Variants in RERE observed in about 807,000 individuals in gnomAD.
RERE encodes arginine-glutamic acid dipeptide repeats protein.
RERE carries 40 observed loss-of-function variants against 146.1 expected under a neutral mutation model. The observed-to-expected ratio is 0.27, with a 90% CI of 0.21 to 0.36. The LOEUF (loss-of-function observed/expected upper bound fraction) is 0.36. Among genes scored for constraint, RERE ranks in the 10% least tolerant of loss-of-function variants. The pLI is 1.00. For missense variants in RERE, 1,933 were observed against 2,138.7 expected, an observed-to-expected ratio of 0.90 and a Z score of 1.90; for synonymous variants, 1,003 against 866.0, an observed-to-expected ratio of 1.16 and a Z score of -2.78.
intron 2 of RERE, among the ~76,000 whole-genome samples, chr1:8,653,694 C>CA (rs775354970): frequency 0.089 from 3,922 of 44,078 alleles, 167 homozygotes; most frequent in African/African-American, 0.17. Flanking sequence ...GACTCCACCT[C>CA]AAAAAAAAAA....
At chr1:8,677,545 G>A (rs950060647) in intron 1 of RERE, among the ~76,000 whole-genome samples, 3 of 151,222 alleles carry the variant, frequency 2.0e-5, no homozygotes, top group Non-Finnish European at 4.4e-5. Context: ...GTATTTCACA[G>A]GTTAGCGTTC....
At chr1:8,641,659 C>T (rs1396357826) in intron 2 of RERE, among the ~76,000 whole-genome samples, 1 of 152,178 alleles carries the variant, frequency 6.6e-6, no homozygotes, top group Non-Finnish European at 1.5e-5. Flanking sequence ...AGGTTCTGTG[C>T]TGAACAAAGA....
At chr1:8,735,251 T>TA (rs1640173098) in intron 1 of RERE, among the ~76,000 whole-genome samples, 1 of 152,130 alleles carries the variant, frequency 6.6e-6, no homozygotes, top group Admixed American at 6.5e-5. Flanking sequence ...ATGCTGAAAA[T>TA]ATCAAGGAAG....
At chr1:8,601,616 T>G (rs1415223189) in intron 4 of RERE, among the ~76,000 whole-genome samples, 2 of 130,352 alleles carry the variant, frequency 1.5e-5, no homozygotes, top group African/African-American at 5.9e-5. Flanking sequence ...TGCCTTCATG[T>G]CCAAGGTCAC....
rs1478048245 is a variant in RERE, at chr1:8,423,701, T to TCGGCGTGTGGCC, written c.1204-895_1204-894insGGCCACACGCCG. The TCGGCGTGTGGCC allele has an allele frequency of 3.1e-6, 3 of 981,760 alleles. No homozygotes were observed. Among genetic ancestry groups the TCGGCGTGTGGCC allele is most frequent in the Non-Finnish European group, 3.6e-6 (3 of 828,782 alleles). The allele number at this position is 981,760 out of a possible 1,614,324, so 60.8% of individuals were successfully genotyped here. ...CAGGGCGGAGGCGGCCGCGGGTGGC[T>TCGGCGTGTGGCC]CGGCGTGTGACCGCGGCGGGGCCGC... On this transcript the variant is annotated intron_variant, in intron 11 of 22. Coordinates refer to ENST00000400908, the MANE Select transcript of RERE (RefSeq NM_001042681.2). This position sits in a 1 kb window ranked among gnomAD's most constrained non-coding sequence, Gnocchi z 5.4.
chr1:8,748,042 T>G (rs1640458051), intron 1 of RERE, among the ~76,000 whole-genome samples: 2 of 152,104 alleles, frequency 1.3e-5, no homozygotes, highest in South Asian at 4.1e-4. Context: ...CCTCCCAAAG[T>G]GCTGGGATTA....
At chr1:8,529,465 ATTTT>A (rs35913350) in intron 7 of RERE, among the ~76,000 whole-genome samples, 3 of 145,526 alleles carry the variant, frequency 2.1e-5, no homozygotes, top group Admixed American at 6.8e-5. Context: ...AAATTTTTTA[ATTTT>A]TTTTTTTTTT....
Position 8,364,331 on chromosome 1 carries a change from T to C in RERE, c.1541-76A>G. 1 of 1,336,070 alleles carries C rather than the reference T, an allele frequency of 7.5e-7. No individual in the cohort carries two copies. The highest frequency in any genetic ancestry group is 1.1e-6 in the Non-Finnish European group (1 of 935,500). The allele number at this position is 1,336,070 out of a possible 1,614,324, so 82.8% of individuals were successfully genotyped here. A position where few individuals can be genotyped will look rare whatever the true frequency, so the allele number is the denominator to read the frequency against. ...GGGGATGTCTGGGCAGAGGGGCCCTTCTGTGGGCTCTACCCAAACCTGATG... is the reference window on the plus strand; with the variant it reads ...GGGGATGTCTGGGCAGAGGGGCCCTCCTGTGGGCTCTACCCAAACCTGATG... On this transcript the variant is annotated intron_variant, in intron 14 of 22. Coordinates refer to ENST00000400908, the MANE Select transcript of RERE (RefSeq NM_001042681.2). The surrounding 1 kb of genome is among the most constrained non-coding windows in gnomAD (Gnocchi z 5.1).
At position 8,358,471 on chromosome 1, in the gene RERE, A is replaced by G. The variant is rs760860721; in HGVS notation, c.4064T>C (p.Ile1355Thr). ...AGGGTGGGGCCCGGCGGTCGGGGGG[A>G]TGGTGAGGGCGCTGTGCCGGGCAAA... ...EHFARHSALT[I>T]PPTAGPHPFA... The change falls in exon 20 of 23, where the codon ATC (isoleucine) becomes ACC (threonine). Residue 1355 changes from isoleucine (I) to threonine (T), a missense_variant. Around this residue, in one of 11 missense-constraint regions of RERE, gnomAD observed 1,255 missense variants for 1,153.8 expected, o/e 1.09. Transcript: ENST00000400908. 2 of 1,581,816 alleles carry G rather than the reference A, an allele frequency of 1.3e-6. No individual in the cohort carries two copies. Among genetic ancestry groups the G allele is most frequent in the Admixed American group, 1.7e-5 (1 of 58,288 alleles).
intron 10 of RERE, among the ~76,000 whole-genome samples, chr1:8,478,197 T>C (rs1297847557): frequency 1.3e-5 from 2 of 152,174 alleles, no homozygotes; most frequent in Non-Finnish European, 2.9e-5. Flanking sequence ...GACACAAAAA[T>C]TTAGCAACTA....
intron 1 of RERE, among the ~76,000 whole-genome samples, chr1:8,683,187 A>G (rs1277035948): frequency 6.6e-6 from 1 of 152,176 alleles, no homozygotes; most frequent in Non-Finnish European, 1.5e-5. Context: ...GGAATATTCA[A>G]AGGGGAGAGG....
intron 12 of RERE, among the ~76,000 whole-genome samples, chr1:8,416,586 CAAAAAA>C (rs5772324): frequency 2.8e-5 from 3 of 105,966 alleles, no homozygotes; most frequent in African/African-American, 7.5e-5. Flanking sequence ...ACTCCATCTC[CAAAAAA>C]AAAAAAAAAA....
At chr1:8,791,719 CTT>C (rs1641366098) in intron 1 of RERE, among the ~76,000 whole-genome samples, 1 of 152,194 alleles carries the variant, frequency 6.6e-6, no homozygotes, top group Non-Finnish European at 1.5e-5. Flanking sequence ...TCTGAAATCT[CTT>C]CTTTTCAAAC....
At chr1:8,778,708 TGCCTGTAGTCCCA>T (rs1641112076) in intron 1 of RERE, among the ~76,000 whole-genome samples, 1 of 151,960 alleles carries the variant, frequency 6.6e-6, no homozygotes, top group African/African-American at 2.4e-5. Flanking sequence ...TGGTGGCATG[TGCCTGTAGTCCCA>T]GCTACTCGGG....
At chr1:8,664,145 T>A (rs995054521) in intron 1 of RERE, among the ~76,000 whole-genome samples, 18 of 152,150 alleles carry the variant, frequency 1.2e-4, no homozygotes, top group African/African-American at 4.3e-4. Flanking sequence ...CTCAAGCAAT[T>A]TCCTCTCTGC....
Position 8,360,728 on chromosome 1 carries a change from G to A in RERE, c.2779C>T (p.His927Tyr). Reference protein sequence around the residue: ...PLPPAPLAMPHIKPPPTTPIP... With the variant: ...PLPPAPLAMPYIKPPPTTPIP... ...GGAGTGGTAGGCGGGGGCTTGATGT[G>A]GGGCATGGCCAAGGGCGCTGGTGGC... Residue 927 changes from histidine to tyrosine, a missense_variant, in exon 18 of 23, where the codon CAC becomes TAC. His to Tyr is a moderately conservative substitution (Grantham distance 83). Coordinates refer to ENST00000400908, the MANE Select transcript of RERE (RefSeq NM_001042681.2). 6.3e-7 allele frequency: 1 copy of A among 1,593,436 alleles called. No homozygotes were observed. The highest frequency in any genetic ancestry group is 8.5e-7 in the Non-Finnish European group (1 of 1,172,364).
chr1:8,629,948 G>A (rs1029306840), intron 2 of RERE, among the ~76,000 whole-genome samples: 17 of 152,170 alleles, frequency 1.1e-4, no homozygotes, highest in Non-Finnish European at 2.2e-4. Context: ...CAGAGACCAA[G>A]CTGGGTGGCA....
chr1:8,554,338 C>G (rs915284929), intron 6 of RERE, among the ~76,000 whole-genome samples: 1 of 152,094 alleles, frequency 6.6e-6, no homozygotes, highest in Admixed American at 6.5e-5. Flanking sequence ...TTCCCTCAAC[C>G]CGTGAGACAA....
At chr1:8,683,296 C>G (rs1472591947) in intron 1 of RERE, among the ~76,000 whole-genome samples, 1 of 152,144 alleles carries the variant, frequency 6.6e-6, no homozygotes, top group South Asian at 2.1e-4. Flanking sequence ...TAATCCCACT[C>G]CTCCCTCCAG....
Sources: allele counts gnomAD v4.1 joint callset (sites outside exome capture counted in the v4.1 genomes callset), GRCh38; gene constraint gnomAD v4.1.1; regional missense constraint gnomAD v4.1.1; non-coding constraint Gnocchi (gnomAD v3.1); transcripts MANE v1.5; gene names NCBI Gene and HGNC (gene_info 2026-07-23, HGNC 2026-07-21).